Variants in DEPDC5 observed in about 807,000 individuals in gnomAD.
DEPDC5 encodes the protein GATOR1 complex protein DEPDC5.
DEPDC5 carries 73 observed loss-of-function variants against 217.3 expected under a neutral mutation model. The observed-to-expected ratio is 0.34, with a 90% CI of 0.28 to 0.41. DEPDC5 has a LOEUF of 0.41. Ranked by LOEUF, DEPDC5 falls within the 10% of genes least tolerant of loss-of-function variation. The pLI is 1.00. For missense variants in DEPDC5, 1,675 were observed against 2,070.1 expected, an observed-to-expected ratio of 0.81 and a Z score of 3.70; for synonymous variants, 733 against 756.7, an observed-to-expected ratio of 0.97 and a Z score of 0.51.
At chr22:31,890,485 A>C (rs1240758663) in intron 38 of DEPDC5, 1 of 152,014 alleles carries the variant, frequency 6.6e-6, no homozygotes, top group Non-Finnish European at 1.5e-5. Flanking sequence ...CGAGGTGGGC[A>C]GGTCAATTAA....
At chr22:31,781,247 A>G (rs1432758257) in intron 8 of DEPDC5, among the ~76,000 whole-genome samples, 2 of 151,676 alleles carry the variant, frequency 1.3e-5, no homozygotes, top group African/African-American at 4.8e-5. Flanking sequence ...AAAAAAAAAA[A>G]CAAAGAATTT....
At chr22:31,845,809 A>G (rs77988323) in intron 30 of DEPDC5, among the ~76,000 whole-genome samples, 1,955 of 151,778 alleles carry the variant, frequency 0.013, 41 homozygotes, top group African/African-American at 0.043. Flanking sequence ...TTTAACAAAT[A>G]TATAGATTCA....
At chr22:31,841,702 A>T (rs1398967701) in intron 27 of DEPDC5, among the ~76,000 whole-genome samples, 1 of 152,242 alleles carries the variant, frequency 6.6e-6, no homozygotes, top group African/African-American at 2.4e-5. Context: ...GTAAAAATCA[A>T]ACCAATCAGA....
intron 25 of DEPDC5, among the ~76,000 whole-genome samples, chr22:31,835,899 C>T (rs116544722): frequency 6.4e-4 from 98 of 152,254 alleles, no homozygotes; most frequent in African/African-American, 2.2e-3. Flanking sequence ...TCTTCATTGA[C>T]GGGAGGGCTG....
At chr22:31,781,167 G>A (rs1454900144) in intron 8 of DEPDC5, among the ~76,000 whole-genome samples, 1 of 149,166 alleles carries the variant, frequency 6.7e-6, no homozygotes, top group African/African-American at 2.5e-5. Context: ...GGTGAACCAA[G>A]ATCGCGCCAT....
At chr22:31,878,717 G>A (rs1276928314) in intron 37 of DEPDC5, among the ~76,000 whole-genome samples, 1 of 151,782 alleles carries the variant, frequency 6.6e-6, no homozygotes, top group African/African-American at 2.4e-5. Flanking sequence ...CTGTCTCTAA[G>A]AGAAAAAAAG....
chr22:31,852,203 G>A (rs572528003), intron 31 of DEPDC5, among the ~76,000 whole-genome samples: 2 of 152,076 alleles, frequency 1.3e-5, no homozygotes, highest in South Asian at 4.2e-4. Flanking sequence ...AATTTCAAAG[G>A]GATACGAATA....
At chr22:31,871,817 T>A (rs2092852394) in intron 34 of DEPDC5, among the ~76,000 whole-genome samples, 1 of 152,176 alleles carries the variant, frequency 6.6e-6, no homozygotes, top group African/African-American at 2.4e-5. Flanking sequence ...CAGATTCTAT[T>A]TCATGATGAA....
At chr22:31,775,414 A>T (rs912049265) in intron 7 of DEPDC5, among the ~76,000 whole-genome samples, 1 of 151,066 alleles carries the variant, frequency 6.6e-6, no homozygotes, top group African/African-American at 2.4e-5. Context: ...TCCTGACTTC[A>T]TGATCCACCC....
At chr22:31,824,791 C>A (rs768788649) in intron 24 of DEPDC5, among the ~76,000 whole-genome samples, 2 of 151,718 alleles carry the variant, frequency 1.3e-5, no homozygotes, top group African/African-American at 2.4e-5. Context: ...CACAGTGAAA[C>A]CTGTCTCTAC....
At position 31,899,225 on chromosome 22, in the gene DEPDC5, T is replaced by A. The variant is rs546612018; in HGVS notation, c.4375+1572T>A. On this transcript the variant is annotated intron_variant, in intron 40 of 42. Coordinates refer to ENST00000651528, the MANE Select transcript of DEPDC5 (RefSeq NM_001242896.3). ...CAGAAAGGGTCCCAGTTTAAAGCAA[T>A]AAGGATTTGAATCTAAAAATCAATT... Among the ~76,000 whole-genome samples the A allele has an allele frequency of 2.0e-5, 3 of 152,320 alleles. No individual in the cohort carries two copies. The East Asian group carries it at 5.8e-4, about 29-fold the overall frequency.
At position 31,819,367 on chromosome 22, in the gene DEPDC5, C is replaced by A; in HGVS notation, c.1870+142C>A. ...ATAACCATGCCCACTTTGGCCATCC[C>A]AGGGGTTCTTGTAAAGATCCTTGAA... On this transcript the variant is annotated intron_variant, in intron 22 of 42. Coordinates refer to ENST00000651528, the MANE Select transcript of DEPDC5 (RefSeq NM_001242896.3). 3.7e-6 allele frequency: 3 copies of A among 813,164 alleles called. No individual in the cohort carries two copies. The East Asian group carries it at 8.0e-5, about 22-fold the overall frequency. The allele number at this position is 813,164 out of a possible 1,614,324, so 50.4% of individuals were successfully genotyped here. A position where few individuals can be genotyped will look rare whatever the true frequency, so the allele number is the denominator to read the frequency against.
At chr22:31,838,483 A>C (rs1215733221) in intron 26 of DEPDC5, among the ~76,000 whole-genome samples, 1 of 152,040 alleles carries the variant, frequency 6.6e-6, no homozygotes, top group Non-Finnish European at 1.5e-5. Flanking sequence ...GGGCTTATGC[A>C]TATGCAATCT....
Position 31,861,502 on chromosome 22 carries a change from G to A in DEPDC5, c.3330+69G>A. 5 of 1,500,230 alleles carry A rather than the reference G, an allele frequency of 3.3e-6. 1 individual carries two copies. In the South Asian group the frequency reaches 3.6e-5, roughly 11 times the overall value. The allele number at this position is 1,500,230 out of a possible 1,614,324, so 92.9% of individuals were successfully genotyped here. On this transcript the variant is annotated intron_variant, in intron 33 of 42. Coordinates refer to ENST00000651528, the MANE Select transcript of DEPDC5 (RefSeq NM_001242896.3). ...ACGCCATGAGCTGGCCTTCTGTTAG[G>A]CTCTGAACACATGGAATTGGGCTGC... is the stretch of plus-strand genomic sequence containing the variant.
At position 31,874,282 on chromosome 22, in the gene DEPDC5, C is replaced by A; in HGVS notation, c.3573C>A (p.Val1191=). Residue 1191 remains valine, a synonymous_variant, in exon 36 of 43, where the codon GTC becomes GTA. Transcript: ENST00000651528. ...LEAMKHPSTG[V]QLLSEQKGLS... is the part of the protein sequence containing the mutation. ...CCGTGTTGGAACCCAGGACAGGAGTCCAGCTGCTCTCTGAACAGAAGGGCC... is the reference window on the plus strand; with the variant it reads ...CCGTGTTGGAACCCAGGACAGGAGTACAGCTGCTCTCTGAACAGAAGGGCC... The A allele has an allele frequency of 6.2e-7, 1 of 1,607,012 alleles. No homozygotes were observed. The highest frequency in any genetic ancestry group is 8.5e-7 in the Non-Finnish European group (1 of 1,176,540).
intron 38 of DEPDC5, 79 bp from the exon 39 acceptor site, chr22:31,893,503 C>A: frequency 7.3e-7 from 1 of 1,372,446 alleles, no homozygotes; most frequent in Non-Finnish European, 9.6e-7. Context: ...AGTTTCATAT[C>A]TGGATACTTA....
In DEPDC5 at chr22:31,886,271, A is replaced by G. The variant is rs137927632; in HGVS notation, c.4033+6519A>G. 1.2e-4 allele frequency among the ~76,000 whole-genome samples: 18 copies of G among 152,208 alleles called. No homozygotes were observed. In the East Asian group the frequency reaches 3.5e-3, roughly 29 times the overall value. On this transcript the variant is annotated intron_variant, in intron 38 of 42. Coordinates refer to ENST00000651528, the MANE Select transcript of DEPDC5 (RefSeq NM_001242896.3). Reference sequence around the variant, plus strand: ...ACTCCTCGGCTCAAGCAATCCTCCCAGTTGGCCTTCAAAAGTGCTGGGACT... The same window carrying G: ...ACTCCTCGGCTCAAGCAATCCTCCCGGTTGGCCTTCAAAAGTGCTGGGACT...
chr22:31,894,968 C>G (rs1342829240), intron 39 of DEPDC5: 3 of 151,742 alleles, frequency 2.0e-5, no homozygotes, highest in African/African-American at 7.3e-5. Flanking sequence ...ATGGAGAAAC[C>G]CCGTCTCTAC....
Position 31,792,858 on chromosome 22 carries a change from A to G in DEPDC5, c.767+41A>G, listed in dbSNP as rs750709148. ...TTGCTATACTTTTTATTTATTTATT[A>G]GTTGTTTCTTTCCTAACTTAAAAAT... On this transcript the variant is annotated intron_variant, in intron 12 of 42. Coordinates refer to ENST00000651528, the MANE Select transcript of DEPDC5 (RefSeq NM_001242896.3). 2.1e-6 allele frequency: 3 copies of G among 1,429,122 alleles called. No individual in the cohort carries two copies. In the South Asian group the frequency reaches 4.5e-5, roughly 22 times the overall value. The allele number at this position is 1,429,122 out of a possible 1,614,324, so 88.5% of individuals were successfully genotyped here.
Sources: allele counts gnomAD v4.1 joint callset (sites outside exome capture counted in the v4.1 genomes callset), GRCh38; gene constraint gnomAD v4.1.1; transcripts MANE v1.5; gene names NCBI Gene and HGNC (gene_info 2026-07-23, HGNC 2026-07-21).